The following SPINK1 variants were observed in gnomAD, a reference collection of about 807,000 sequenced individuals.
The protein encoded by SPINK1 is serine peptidase inhibitor Kazal type 1, also known as serine protease inhibitor Kazal-type 1.
SPINK1 carries 5 observed loss-of-function variants against 9.5 expected under a neutral mutation model. That is an observed-to-expected ratio of 0.52 (90% CI 0.27 to 1.10). The LOEUF (loss-of-function observed/expected upper bound fraction) is 1.10, where lower values mean the gene tolerates loss of function less well. Ranked by LOEUF, SPINK1 falls within the 50% of genes least tolerant of loss-of-function variation. SPINK1 has a pLI of 0.11. For synonymous variants in SPINK1, 37 were observed against 32.3 expected, an observed-to-expected ratio of 1.14 and a Z score of -0.49; for missense variants, 88 against 92.7, an observed-to-expected ratio of 0.95 and a Z score of 0.21.
upstream of SPINK1, chr5:147,831,829 C>T (rs1291886689): frequency 7.3e-7 from 1 of 1,369,100 alleles, no homozygotes; most frequent in Non-Finnish European, 9.5e-7. Flanking sequence ...AAGATTCTGT[C>T]AGGAAAATAG....
upstream of SPINK1, chr5:147,831,822 A>G (rs1756514499): frequency 7.3e-7 from 1 of 1,376,784 alleles, no homozygotes; most frequent in Non-Finnish European, 9.4e-7. Context: ...CAAGGCAAAG[A>G]TTCTGTCAGG....
chr5:147,825,464 CAG>C (rs1256985000), intron 3 of SPINK1, among the ~76,000 whole-genome samples: 3 of 145,966 alleles, frequency 2.1e-5, no homozygotes, highest in South Asian at 4.3e-4. Context: ...TTTTTTAAGA[CAG>C]AGTCTCACTC....
At position 147,824,659 on chromosome 5, in the gene SPINK1, T is replaced by C. The variant is rs1756366633; in HGVS notation, c.*2A>G. Reference sequence around the variant, plus strand: ...CCTGATGGGATTTCAAAACCTTGGTTCTCAGCAAGGCCCAGATTTTTGAAT... The same window carrying C: ...CCTGATGGGATTTCAAAACCTTGGTCCTCAGCAAGGCCCAGATTTTTGAAT... On this transcript the variant is annotated 3_prime_UTR_variant, in exon 4 of 4. Transcript: ENST00000296695. 2.5e-6 allele frequency: 4 copies of C among 1,614,018 alleles called. 1 individual carries two copies. In the African/African-American group the frequency reaches 4.0e-5, roughly 16 times the overall value.
At position 147,828,130 on chromosome 5, in the gene SPINK1, TA is replaced by T. The variant is rs1258974345; in HGVS notation, c.88-3del. ...ATTAAGTTCATTGTAACATTTGGCC[TA>T]AAAATGGAATTAAACAGAATCATTT... On this transcript the variant is annotated splice_region_variant and splice_polypyrimidine_tract_variant and intron_variant, in intron 2 of 3. Coordinates refer to ENST00000296695, the MANE Select transcript of SPINK1 (RefSeq NM_001379610.1). 2.5e-6 allele frequency: 4 copies of T among 1,608,292 alleles called. No individual in the cohort carries two copies. The highest frequency in any genetic ancestry group is 1.7e-5 in the Admixed American group (1 of 59,960).
upstream of SPINK1, among the ~76,000 whole-genome samples, chr5:147,836,463 C>A (rs956736981): frequency 2.0e-5 from 3 of 152,092 alleles, no homozygotes; most frequent in Non-Finnish European, 4.4e-5. Flanking sequence ...TCTGTTACAG[C>A]ACTTTAAACT....
At chr5:147,833,600 C>A (rs1205290427), upstream of SPINK1, among the ~76,000 whole-genome samples, 5 of 152,156 alleles carry the variant, frequency 3.3e-5, no homozygotes, top group Non-Finnish European at 5.9e-5. Context: ...AAAATAACCT[C>A]AATCCTGGAC....
upstream of SPINK1, among the ~76,000 whole-genome samples, chr5:147,833,482 C>G (rs1756543841): frequency 6.6e-6 from 1 of 152,136 alleles, no homozygotes; most frequent in African/African-American, 2.4e-5. Context: ...TCCAGTAGAT[C>G]ACTCAAGCCC....
chr5:147,825,266 A>T (rs1003938274), intron 3 of SPINK1, among the ~76,000 whole-genome samples: 1 of 152,046 alleles, frequency 6.6e-6, no homozygotes, highest in South Asian at 2.1e-4. Context: ...TCTTCCCTAA[A>T]CTAAATATCT....
At chr5:147,826,148 G>A (rs1163644352) in intron 3 of SPINK1, among the ~76,000 whole-genome samples, 1 of 152,168 alleles carries the variant, frequency 6.6e-6, no homozygotes, top group Non-Finnish European at 1.5e-5. Flanking sequence ...TAGAAAAAGT[G>A]TTTATTGAAT....
the SPINK1 span, among the ~76,000 whole-genome samples, chr5:147,837,525 T>C: frequency 1.4e-4 from 21 of 152,146 alleles, no homozygotes; most frequent in African/African-American, 4.6e-4. Context: ...TGCTGCCATA[T>C]GGTGGCTCAT....
At chr5:147,833,163 A>G (rs1756537790), upstream of SPINK1, among the ~76,000 whole-genome samples, 2 of 152,144 alleles carry the variant, frequency 1.3e-5, no homozygotes, top group Non-Finnish European at 2.9e-5. Flanking sequence ...GAGAATAGTA[A>G]GCGCAAAGGT....
Position 147,831,573 on chromosome 5 carries a change from T to C in SPINK1, c.5A>G (p.Lys2Arg), listed in dbSNP as rs145448373. The C allele has an allele frequency of 6.2e-7, 1 of 1,613,420 alleles. No homozygotes were observed. The highest frequency in any genetic ancestry group is 1.3e-5 in the African/African-American group (1 of 74,914). M[K>R]VTGIFLLSAL... ...ACTGAGAAGAAAGATGCCTGTTACCTTCATGGCTGAAGTTCTGCGTCCAGA... is the reference window on the plus strand; with the variant it reads ...ACTGAGAAGAAAGATGCCTGTTACCCTCATGGCTGAAGTTCTGCGTCCAGA... The change falls in exon 1 of 4, where the codon AAG becomes AGG. Residue 2 changes from lysine (K) to arginine (R), a missense_variant. Coordinates refer to ENST00000296695, the MANE Select transcript of SPINK1 (RefSeq NM_001379610.1).
intron 1 of SPINK1, among the ~76,000 whole-genome samples, chr5:147,830,884 A>G (rs1272409294): frequency 6.6e-6 from 1 of 152,202 alleles, no homozygotes; most frequent in Non-Finnish European, 1.5e-5. Context: ...TATGTGCACC[A>G]TCTATTCAAG....
intron 3 of SPINK1, 166 bp downstream of exon 3, chr5:147,827,856 A>G: frequency 1.8e-6 from 1 of 553,658 alleles, no homozygotes; most frequent in African/African-American, 1.9e-5. Flanking sequence ...CTTCTAAAAA[A>G]TAATATTTAA....
intron 3 of SPINK1, chr5:147,827,207 G>T (rs1756423116): frequency 6.6e-6 from 1 of 152,128 alleles, no homozygotes; most frequent in Admixed American, 6.6e-5. Context: ...CTCCTGAGTA[G>T]CTGGTATTAT....
the SPINK1 span, among the ~76,000 whole-genome samples, chr5:147,837,705 C>CTTTCTTTCT: frequency 1.5e-5 from 2 of 130,082 alleles, no homozygotes; most frequent in Admixed American, 1.5e-4. Context: ...TTCTTTCTTT[C>CTTTCTTTCT]TTTCTTTCTT....
At chr5:147,831,428 G>A in intron 1 of SPINK1, 95 bp downstream of exon 1, 2 of 1,486,556 alleles carry the variant, frequency 1.3e-6, no homozygotes, top group East Asian at 2.3e-5. Context: ...ATCTCTCGAA[G>A]ACTAGACTAC....
intron 3 of SPINK1, among the ~76,000 whole-genome samples, chr5:147,825,130 A>C (rs1414150673): frequency 1.3e-5 from 2 of 152,166 alleles, no homozygotes; most frequent in African/African-American, 2.4e-5. Flanking sequence ...GGGGATTCGT[A>C]TCTGTGAGGT....
the SPINK1 span, among the ~76,000 whole-genome samples, chr5:147,836,849 A>G: frequency 6.6e-6 from 1 of 152,300 alleles, no homozygotes; most frequent in Admixed American, 6.5e-5. Flanking sequence ...TCTAGAACAG[A>G]AACAGATGAC....
Sources: gnomAD v4.1 joint callset for allele counts (sites outside exome capture counted in the v4.1 genomes callset) on GRCh38, gnomAD v4.1.1 for gene constraint, MANE v1.5 for transcripts, NCBI Gene and HGNC (gene_info 2026-07-23, HGNC 2026-07-21) for gene names.